SUGCT: variants seen among roughly 807,000 people sequenced by gnomAD.
The protein encoded by SUGCT is succinyl-CoA:glutarate CoA-transferase.
SUGCT carries 41 observed loss-of-function variants against 55.0 expected under a neutral mutation model. The observed-to-expected ratio is 0.74, with a 90% CI of 0.58 to 0.97. The LOEUF (loss-of-function observed/expected upper bound fraction) is 0.97, where lower values mean the gene tolerates loss of function less well. Ranked by LOEUF, SUGCT falls within the 50% of genes least tolerant of loss-of-function variation. SUGCT has a pLI of 0.00. For synonymous variants in SUGCT, 187 were observed against 200.4 expected (o/e 0.93, Z 0.56); for missense variants, 568 against 547.8 (o/e 1.04, Z -0.37).
intron 7 of SUGCT, among the ~76,000 whole-genome samples, chr7:40,248,870 C>T (rs918793336): frequency 3.4e-5 from 5 of 148,584 alleles, no homozygotes; most frequent in African/African-American, 7.5e-5. Context: ...TGGCTCTTTC[C>T]AGCGCGCGCG....
intron 12 of SUGCT, among the ~76,000 whole-genome samples, chr7:40,637,491 G>A (rs957695996): frequency 1.3e-5 from 2 of 152,198 alleles, no homozygotes; most frequent in Non-Finnish European, 2.9e-5. Flanking sequence ...CCAGACACTA[G>A]GGTAGTTCCT....
intron 13 of SUGCT, among the ~76,000 whole-genome samples, chr7:40,848,943 T>C (rs1369439497): frequency 6.6e-6 from 1 of 152,222 alleles, no homozygotes; most frequent in Non-Finnish European, 1.5e-5. Flanking sequence ...AGAGGTGCCA[T>C]ATAAAAATAT....
intron 13 of SUGCT, among the ~76,000 whole-genome samples, chr7:40,755,239 A>G (rs951708255): frequency 3.3e-5 from 5 of 152,224 alleles, no homozygotes; most frequent in African/African-American, 1.2e-4. Flanking sequence ...GAGCTTGGAT[A>G]GAAACCACCG....
intron 12 of SUGCT, among the ~76,000 whole-genome samples, chr7:40,684,643 G>T (rs1027592938): frequency 6.6e-6 from 1 of 152,066 alleles, no homozygotes; most frequent in South Asian, 2.1e-4. Flanking sequence ...CATTTATTCT[G>T]TTCCATGGAC....
At chr7:40,162,861 G>T (rs1000864255) in intron 1 of SUGCT, among the ~76,000 whole-genome samples, 1 of 152,176 alleles carries the variant, frequency 6.6e-6, no homozygotes, top group African/African-American at 2.4e-5. Flanking sequence ...CCCTGAAATA[G>T]ACATCCTAGT....
chr7:40,304,964 T>C (rs997095498), intron 8 of SUGCT, among the ~76,000 whole-genome samples: 3 of 152,234 alleles, frequency 2.0e-5, no homozygotes, highest in Non-Finnish European at 4.4e-5. Flanking sequence ...ATTTCTTTTC[T>C]CTACCCATCT....
At chr7:40,309,176 T>C (rs1199640443) in intron 8 of SUGCT, among the ~76,000 whole-genome samples, 4 of 152,350 alleles carry the variant, frequency 2.6e-5, no homozygotes, top group Middle Eastern at 6.8e-3. Context: ...TTTTCCTGTA[T>C]ATGTCTGAAT....
At chr7:40,743,454 A>G (rs1042600915) in intron 12 of SUGCT, among the ~76,000 whole-genome samples, 1 of 152,230 alleles carries the variant, frequency 6.6e-6, no homozygotes, top group Non-Finnish European at 1.5e-5. Flanking sequence ...GATAACATTC[A>G]TGGCACTGGG....
intron 13 of SUGCT, among the ~76,000 whole-genome samples, chr7:40,757,042 C>T (rs1342521074): frequency 6.6e-6 from 1 of 152,140 alleles, no homozygotes; most frequent in African/African-American, 2.4e-5. Context: ...TAACCCATGG[C>T]AGGGTACTGA....
chr7:40,551,080 G>T (rs1795271648), intron 12 of SUGCT, among the ~76,000 whole-genome samples: 1 of 152,096 alleles, frequency 6.6e-6, no homozygotes, highest in Non-Finnish European at 1.5e-5. Flanking sequence ...CCCTCACTGA[G>T]CTCTTTTCTC....
the SUGCT span, among the ~76,000 whole-genome samples, chr7:41,015,471 T>C: frequency 3.3e-5 from 5 of 152,198 alleles, no homozygotes; most frequent in Admixed American, 2.6e-4. Context: ...CCAGACTCTG[T>C]ACACCAGAAT....
intron 13 of SUGCT, among the ~76,000 whole-genome samples, chr7:40,801,677 A>G (rs1790823016): frequency 6.6e-6 from 1 of 152,164 alleles, no homozygotes; most frequent in Non-Finnish European, 1.5e-5. Flanking sequence ...TATTTTCTAG[A>G]AATAAGTTCA....
At chr7:40,339,718 C>A (rs1173808743) in intron 9 of SUGCT, among the ~76,000 whole-genome samples, 2 of 152,178 alleles carry the variant, frequency 1.3e-5, no homozygotes, top group African/African-American at 4.8e-5. Context: ...CTTCACCTTG[C>A]CTTGGCTCAC....
At chr7:40,603,522 A>G (rs1031568737) in intron 12 of SUGCT, among the ~76,000 whole-genome samples, 2 of 152,194 alleles carry the variant, frequency 1.3e-5, no homozygotes, top group African/African-American at 2.4e-5. Context: ...TATAATGAAT[A>G]ATACTTTTAT....
chr7:40,888,649 T>C, the SUGCT span, among the ~76,000 whole-genome samples: 1 of 152,134 alleles, frequency 6.6e-6, no homozygotes, highest in Non-Finnish European at 1.5e-5. Context: ...GCACTTTGGG[T>C]GTGGTAAACT....
At chr7:40,215,723 G>A (rs1279251628) in intron 6 of SUGCT, among the ~76,000 whole-genome samples, 1 of 151,970 alleles carries the variant, frequency 6.6e-6, no homozygotes, top group Non-Finnish European at 1.5e-5. Context: ...TTAGCTGGGC[G>A]AGGTGGCGGG....
At chr7:40,842,633 C>G (rs1387940717) in intron 13 of SUGCT, among the ~76,000 whole-genome samples, 2 of 152,186 alleles carry the variant, frequency 1.3e-5, no homozygotes, top group Non-Finnish European at 2.9e-5. Flanking sequence ...TTACTAGACT[C>G]TGGACACACA....
chr7:40,509,844 A>G (rs886290952), intron 12 of SUGCT, among the ~76,000 whole-genome samples: 1 of 152,136 alleles, frequency 6.6e-6, no homozygotes, highest in African/African-American at 2.4e-5. Context: ...TGCTCCTTGT[A>G]TTCTGTCCAG....
intron 9 of SUGCT, among the ~76,000 whole-genome samples, chr7:40,367,372 T>A (rs1265451122): frequency 3.3e-5 from 5 of 151,414 alleles, no homozygotes; most frequent in Admixed American, 6.6e-5. Context: ...CATATGTAAC[T>A]AACCTGCACA....
Sources: gnomAD v4.1 joint callset for allele counts (sites outside exome capture counted in the v4.1 genomes callset) on GRCh38, gnomAD v4.1.1 for gene constraint, MANE v1.5 for transcripts, NCBI Gene and HGNC (gene_info 2026-07-23, HGNC 2026-07-21) for gene names.